The following CHRM3 variants were observed in gnomAD, a reference collection of about 807,000 sequenced individuals.
CHRM3 encodes the protein muscarinic acetylcholine receptor M3.
A neutral mutation model predicts 41.8 loss-of-function variants in CHRM3; 11 were observed. That is an observed-to-expected ratio of 0.26 (90% CI 0.17 to 0.44). CHRM3 has a LOEUF of 0.44. Ranked by LOEUF, CHRM3 falls within the 20% of genes least tolerant of loss-of-function variation. CHRM3 has a pLI of 1.00. For synonymous variants in CHRM3, 297 were observed against 301.4 expected, an observed-to-expected ratio of 0.99 and a Z score of 0.15; for missense variants, 571 against 745.4, an observed-to-expected ratio of 0.77 and a Z score of 2.72.
chr1:239,406,779 A>T (rs1660628254), intron 1 of CHRM3, among the ~76,000 whole-genome samples: 1 of 152,192 alleles, frequency 6.6e-6, no homozygotes, highest in African/African-American at 2.4e-5. Flanking sequence ...CTTGGCCAAG[A>T]TCATTATAAG....
chr1:239,511,602 A>C (rs561393392), intron 2 of CHRM3, among the ~76,000 whole-genome samples: 1 of 152,348 alleles, frequency 6.6e-6, no homozygotes, highest in East Asian at 1.9e-4. Context: ...AATTTAAAAA[A>C]TAAATTAGGC....
intron 5 of CHRM3, among the ~76,000 whole-genome samples, chr1:239,803,563 G>A (rs759567209): frequency 3.9e-5 from 6 of 152,154 alleles, no homozygotes; most frequent in Non-Finnish European, 8.8e-5. Context: ...AGACAGAGCT[G>A]ATACGTGGAG....
chr1:239,478,537 C>A (rs1572435773), intron 1 of CHRM3, among the ~76,000 whole-genome samples: 1 of 152,030 alleles, frequency 6.6e-6, no homozygotes, highest in East Asian at 1.9e-4. Flanking sequence ...CAATGTGAAT[C>A]AACACATGTG....
chr1:239,457,545 A>G (rs1665044351), intron 1 of CHRM3, among the ~76,000 whole-genome samples: 2 of 152,110 alleles, frequency 1.3e-5, no homozygotes, highest in South Asian at 4.2e-4. Flanking sequence ...TTTCTTGTCT[A>G]GTGCTTTGGA....
chr1:239,683,411 T>C (rs1384874770), intron 5 of CHRM3, among the ~76,000 whole-genome samples: 2 of 152,182 alleles, frequency 1.3e-5, no homozygotes, highest in Non-Finnish European at 2.9e-5. Flanking sequence ...AGAGACATCG[T>C]TTTTAAAGGA....
chr1:239,584,768 A>T (rs886609291), intron 3 of CHRM3, among the ~76,000 whole-genome samples: 1 of 152,090 alleles, frequency 6.6e-6, no homozygotes, highest in Non-Finnish European at 1.5e-5. Context: ...CATCTTCCCC[A>T]CTTAACTCAG....
chr1:239,805,340 G>A (rs1260381894), intron 5 of CHRM3, among the ~76,000 whole-genome samples: 1 of 152,106 alleles, frequency 6.6e-6, no homozygotes, highest in Non-Finnish European at 1.5e-5. Context: ...AGCTAAGTTC[G>A]CCATTTCACT....
chr1:239,439,534 G>T (rs571893281), intron 1 of CHRM3, among the ~76,000 whole-genome samples: 2 of 152,098 alleles, frequency 1.3e-5, no homozygotes, highest in African/African-American at 4.8e-5. Flanking sequence ...TTGAAATAGG[G>T]TCAAAGAAGG....
intron 2 of CHRM3, among the ~76,000 whole-genome samples, chr1:239,522,034 T>C (rs1669680782): frequency 8.9e-6 from 1 of 112,506 alleles, no homozygotes; most frequent in African/African-American, 3.0e-5. Context: ...TCTTTTCTTT[T>C]CTTTTCTTTT....
At chr1:239,563,987 A>C (rs1478400373) in intron 3 of CHRM3, among the ~76,000 whole-genome samples, 1 of 152,174 alleles carries the variant, frequency 6.6e-6, no homozygotes, top group Non-Finnish European at 1.5e-5. Flanking sequence ...TTCTGTAAAA[A>C]TTTAATAGCA....
chr1:239,629,730 C>T (rs1277964425), intron 3 of CHRM3, among the ~76,000 whole-genome samples: 1 of 152,170 alleles, frequency 6.6e-6, no homozygotes, highest in East Asian at 1.9e-4. Flanking sequence ...AGCAAAATAT[C>T]CTACCTTTTT....
At chr1:239,618,643 G>A (rs532268427) in intron 3 of CHRM3, among the ~76,000 whole-genome samples, 1 of 151,450 alleles carries the variant, frequency 6.6e-6, no homozygotes, top group Non-Finnish European at 1.5e-5. Flanking sequence ...AGGAGATCGA[G>A]ACCATCCTGG....
chr1:239,568,559 A>G (rs1377443631), intron 3 of CHRM3, among the ~76,000 whole-genome samples: 1 of 152,116 alleles, frequency 6.6e-6, no homozygotes, highest in Non-Finnish European at 1.5e-5. Flanking sequence ...AAACAGACTG[A>G]TACACCCAGC....
chr1:239,631,784 G>C (rs889608386), intron 3 of CHRM3, among the ~76,000 whole-genome samples: 2 of 152,172 alleles, frequency 1.3e-5, no homozygotes, highest in Admixed American at 1.3e-4. Flanking sequence ...ATTTCGAATA[G>C]TGTCTGGGAG....
intron 3 of CHRM3, among the ~76,000 whole-genome samples, chr1:239,582,728 G>T (rs935237044): frequency 6.6e-6 from 1 of 152,052 alleles, no homozygotes; most frequent in East Asian, 1.9e-4. Flanking sequence ...CTAAAACAGC[G>T]TAATAACTGG....
In CHRM3 at chr1:239,570,128, C is replaced by A. The variant is rs149592699; in HGVS notation, c.-313+24379C>A. Among the ~76,000 whole-genome samples the A allele has an allele frequency of 2.4e-3, 365 of 152,160 alleles. 1 individual carries two copies. The highest frequency in any genetic ancestry group is 8.3e-3 in the African/African-American group (344 of 41,506). On this transcript the variant is annotated intron_variant, in intron 3 of 6. Transcript: ENST00000676153. ...TAATCCCTGTATGTCGAGGGAGGGT[C>A]CTGGTAGGAGGTGATTGGATCATGG...
Position 239,907,382 on chromosome 1 carries a change from CAAAT to C in CHRM3, c.-19-47_-19-44del, listed in dbSNP as rs1372485603. The C allele has an allele frequency of 2.5e-5, 36 of 1,455,864 alleles. No individual in the cohort carries two copies. The highest frequency in any genetic ancestry group is 4.2e-5 in the African/African-American group (3 of 70,914). The allele number at this position is 1,455,864 out of a possible 1,614,324, so 90.2% of individuals were successfully genotyped here. A position where few individuals can be genotyped will look rare whatever the true frequency, so the allele number is the denominator to read the frequency against. Reference sequence around the variant, plus strand: ...TAACGTATGTAATGCAAAGAACAAACAAATAAAGGCAGAAATTTTTCTAACTCTG... The same window carrying C: ...TAACGTATGTAATGCAAAGAACAAACAAAGGCAGAAATTTTTCTAACTCTG... On this transcript the variant is annotated intron_variant, in intron 6 of 6. Transcript: ENST00000676153. This position sits in a 1 kb window ranked among gnomAD's most constrained non-coding sequence, Gnocchi z 5.4.
At chr1:239,701,974 A>C (rs981171640) in intron 5 of CHRM3, among the ~76,000 whole-genome samples, 2 of 152,112 alleles carry the variant, frequency 1.3e-5, no homozygotes, top group African/African-American at 4.8e-5. Flanking sequence ...GTCAACTCCT[A>C]ATGTCTAGAT....
At chr1:239,837,426 T>A (rs1227660514) in intron 6 of CHRM3, among the ~76,000 whole-genome samples, 2 of 152,234 alleles carry the variant, frequency 1.3e-5, no homozygotes, top group African/African-American at 4.8e-5. Context: ...TAGGAAGGAC[T>A]CTGAAGCAGG....
Sources: gnomAD v4.1 joint callset for allele counts (sites outside exome capture counted in the v4.1 genomes callset) on GRCh38, gnomAD v4.1.1 for gene constraint, Gnocchi (gnomAD v3.1) non-coding constraint, MANE v1.5 for transcripts, NCBI Gene and HGNC (gene_info 2026-07-23, HGNC 2026-07-21) for gene names.